Variants in SNRPN observed in about 807,000 individuals in gnomAD.
SNRPN encodes small nuclear ribonucleoprotein-associated protein N.
In SNRPN, 7 loss-of-function variants were observed where a neutral mutation model predicts 25.2. That is an observed-to-expected ratio of 0.28 (90% CI 0.16 to 0.52). The LOEUF (loss-of-function observed/expected upper bound fraction) is 0.52. Ranked by LOEUF, SNRPN falls within the 20% of genes least tolerant of loss-of-function variation. The pLI is 0.96. For synonymous variants in SNRPN, 124 were observed against 110.6 expected, an observed-to-expected ratio of 1.12 and a Z score of -0.76; for missense variants, 196 against 322.5, an observed-to-expected ratio of 0.61 and a Z score of 3.00.
chr15:24,835,546 T>C (rs1418280989), intron 2 of SNRPN, among the ~76,000 whole-genome samples: 2 of 152,056 alleles, frequency 1.3e-5, no homozygotes, highest in Non-Finnish European at 2.9e-5. Context: ...TCCTGATGTG[T>C]TTAGGAATAC....
intron 2 of SNRPN, among the ~76,000 whole-genome samples, chr15:24,906,293 T>TTTTTG (rs1459252246): frequency 3.3e-5 from 5 of 152,104 alleles, no homozygotes; most frequent in African/African-American, 7.2e-5. Context: ...ACCTGGCTAA[T>TTTTTG]TTTTGTTTTG....
intron 1 of SNRPN, among the ~76,000 whole-genome samples, chr15:24,824,229 C>T (rs150075727): frequency 1.3e-5 from 2 of 152,160 alleles, no homozygotes; most frequent in East Asian, 1.9e-4. Context: ...GTTTAAATTA[C>T]GTGGCTTAGT....
chr15:24,972,181 G>A (rs529709881), intron 3 of SNRPN, among the ~76,000 whole-genome samples: 5 of 151,664 alleles, frequency 3.3e-5, no homozygotes, highest in South Asian at 2.1e-4. Flanking sequence ...ACTTGAACCC[G>A]GGAAGTGGAG....
chr15:24,849,373 A>G (rs1367253122), intron 2 of SNRPN: 6 of 152,208 alleles, frequency 3.9e-5, no homozygotes, highest in African/African-American at 1.4e-4. Flanking sequence ...TGTGCCTTCC[A>G]TTTGAAGAAG....
At chr15:24,882,432 C>T (rs1031262229) in intron 1 of SNRPN, among the ~76,000 whole-genome samples, 5 of 152,114 alleles carry the variant, frequency 3.3e-5, no homozygotes, top group African/African-American at 1.2e-4. Context: ...TGAATACTAT[C>T]ACAGAGACTA....
At chr15:24,919,452 A>G (rs1464549842) in intron 2 of SNRPN, among the ~76,000 whole-genome samples, 1 of 149,906 alleles carries the variant, frequency 6.7e-6, no homozygotes, top group Non-Finnish European at 1.5e-5. Flanking sequence ...AAAAATATTC[A>G]ATTATGCTTG....
rs554547035 is a variant in SNRPN at position 24,841,239 on chromosome 15, C to T, written c.-579+11334C>T. On this transcript the variant is annotated intron_variant, in intron 2 of 12. Coordinates refer to the SNRPN transcript ENST00000400100. The stretch of plus-strand genomic sequence containing the variant: ...TACCACTTTTTTTAATGATTCAGTG[C>T]GGCTTGGGTAGCTTAGGTAACAGGC... 2.8e-4 allele frequency among the ~76,000 whole-genome samples: 43 copies of T among 152,088 alleles called. No homozygotes were observed. The East Asian group carries it at 6.4e-3, about 23-fold the overall frequency.
intron 2 of SNRPN, among the ~76,000 whole-genome samples, chr15:24,896,750 G>C (rs1391138071): frequency 1.3e-5 from 2 of 151,942 alleles, no homozygotes; most frequent in African/African-American, 4.8e-5. Context: ...CTGATGTCAG[G>C]GAAAATAGAA....
At chr15:24,875,411 G>C (rs17179228) in intron 1 of SNRPN, among the ~76,000 whole-genome samples, 10,150 of 152,218 alleles carry the variant, frequency 0.067, 465 homozygotes, top group Non-Finnish European at 0.1. Context: ...TTACACAATA[G>C]TCATGAAATT....
chr15:24,932,606 A>G (rs1420354398), intron 3 of SNRPN, among the ~76,000 whole-genome samples: 4 of 151,218 alleles, frequency 2.6e-5, no homozygotes, highest in Admixed American at 1.3e-4. Context: ...TCTGTCAATC[A>G]TAATGTGTAT....
intron 2 of SNRPN, among the ~76,000 whole-genome samples, chr15:24,965,201 A>T (rs1195386025): frequency 6.6e-6 from 1 of 152,124 alleles, no homozygotes; most frequent in African/African-American, 2.4e-5. Context: ...TAGTATTGGG[A>T]GGCAGTCTTC....
intron 1 of SNRPN, among the ~76,000 whole-genome samples, chr15:24,875,683 C>A (rs2055788726): frequency 1.3e-5 from 2 of 152,256 alleles, no homozygotes; most frequent in East Asian, 3.9e-4. Context: ...ATTTAAGTGG[C>A]TGTGGTGTGA....
Position 24,880,031 on chromosome 15 carries a change from G to A in SNRPN, c.-578-6485G>A, listed in dbSNP as rs987215474. ...CTTCCATAACTTCACAGTAATTTTCGTTTCCTTATGTCTCCTCTGGCCAAT... is the reference window on the plus strand; with the variant it reads ...CTTCCATAACTTCACAGTAATTTTCATTTCCTTATGTCTCCTCTGGCCAAT... On this transcript the variant is annotated intron_variant, in intron 1 of 11. Transcript: ENST00000400097. 6.6e-5 allele frequency among the ~76,000 whole-genome samples: 10 copies of A among 152,050 alleles called. No individual in the cohort carries two copies. In the South Asian group the frequency reaches 8.3e-4, roughly 13 times the overall value.
intron 2 of SNRPN, among the ~76,000 whole-genome samples, chr15:24,911,543 C>A (rs1164685285): frequency 2.0e-5 from 3 of 152,210 alleles, no homozygotes; most frequent in African/African-American, 7.2e-5. Context: ...GCTTCCCCAT[C>A]TGTGGTTCAG....
rs2058689806 is a variant in SNRPN at position 24,904,776 on chromosome 15, C to T, written c.-504-15235C>T. 2.0e-5 allele frequency among the ~76,000 whole-genome samples: 3 copies of T among 151,840 alleles called. No homozygotes were observed. In the South Asian group the frequency reaches 6.2e-4, roughly 32 times the overall value. ...ATCAGGAGTTCAAGACTAGCCTTGC[C>T]AACATGGTGAAACCTTGTCTCTACT... On this transcript the variant is annotated intron_variant, in intron 2 of 11. Transcript: ENST00000400097.
chr15:24,840,037 C>T (rs532505193), intron 2 of SNRPN, among the ~76,000 whole-genome samples: 1 of 152,164 alleles, frequency 6.6e-6, no homozygotes, highest in Non-Finnish European at 1.5e-5. Context: ...AAACAGTACC[C>T]AATATCAAGT....
At position 24,929,914 on chromosome 15, in the gene SNRPN, A is replaced by G. The variant is rs558071007; in HGVS notation, c.-391+9790A>G. Among the ~76,000 whole-genome samples the G allele has an allele frequency of 2.6e-3, 400 of 152,256 alleles. 6 individuals carry two copies. The highest frequency in any genetic ancestry group is 0.02 in the Admixed American group (307 of 15,276). Reference sequence around the variant, plus strand: ...TGTATCAATAAAAAAATGGCCAGGCACGGTGGCTCACACCTATAATCCCAG... The same window carrying G: ...TGTATCAATAAAAAAATGGCCAGGCGCGGTGGCTCACACCTATAATCCCAG... On this transcript the variant is annotated intron_variant, in intron 3 of 11. Transcript: ENST00000400097. The surrounding 1 kb of genome is among the most constrained non-coding windows in gnomAD (Gnocchi z 5.3).
chr15:24,896,905 A>C (rs2058113649), intron 2 of SNRPN, among the ~76,000 whole-genome samples: 1 of 152,058 alleles, frequency 6.6e-6, no homozygotes, highest in African/African-American at 2.4e-5. Context: ...TAATCCCATC[A>C]CTTTGGGAGG....
chr15:24,831,090 A>G (rs1475981425), intron 2 of SNRPN, among the ~76,000 whole-genome samples: 4 of 152,152 alleles, frequency 2.6e-5, no homozygotes, highest in Non-Finnish European at 5.9e-5. Flanking sequence ...TTTCTGCCTC[A>G]CGTAGACTGA....
Sources: allele counts gnomAD v4.1 joint callset (sites outside exome capture counted in the v4.1 genomes callset), GRCh38; gene constraint gnomAD v4.1.1; non-coding constraint Gnocchi (gnomAD v3.1); transcripts MANE v1.5; gene names NCBI Gene and HGNC (gene_info 2026-07-23, HGNC 2026-07-21).